MAP6D1: variants seen among roughly 807,000 people sequenced by gnomAD.
MAP6D1 encodes the protein MAP6 domain containing 1.
Under a neutral mutation model 17.4 loss-of-function variants are expected in MAP6D1, and 13 were observed. That is an observed-to-expected ratio of 0.75 (90% confidence interval 0.49 to 1.19). The LOEUF is 1.19. MAP6D1 is among the 50% of genes most tolerant of loss of function. The probability of loss-of-function intolerance (pLI) is 0.00; values close to 1 mark genes in which losing one functional copy is unlikely to be tolerated. For missense variants in MAP6D1, 313 were observed against 312.6 expected, an observed-to-expected ratio of 1.00 and a Z score of -0.01; for synonymous variants, 141 against 145.7, an observed-to-expected ratio of 0.97 and a Z score of 0.23.
chr3:183,822,895 C>G (rs955639348), intron 1 of MAP6D1, among the ~76,000 whole-genome samples: 3 of 152,230 alleles, frequency 2.0e-5, no homozygotes, highest in African/African-American at 2.4e-5. Flanking sequence ...GCTTCAGCTC[C>G]GGGAAGGAAG....
Position 183,825,153 on chromosome 3 carries a change from G to C in MAP6D1, c.395C>G (p.Ser132Trp). ...GTCCCTACCCAGCCCATACCTGTACGACGTGGTCACTGCTGCAGCCGCGTC... is the reference window on the plus strand; with the variant it reads ...GTCCCTACCCAGCCCATACCTGTACCACGTGGTCACTGCTGCAGCCGCGTC... ...DADAAAAVTT[S>W]YRQEFQAWTG... The change falls in exon 1 of 3, where the codon TCG becomes TGG. Residue 132 changes from serine to tryptophan, a missense_variant. By Grantham distance (177) the Ser-to-Trp change is radical. Transcript: ENST00000318631. The C allele has an allele frequency of 6.9e-7, 1 of 1,451,640 alleles. No individual in the cohort carries two copies. The highest frequency in any genetic ancestry group is 1.4e-5 in the South Asian group (1 of 71,180). The allele number at this position is 1,451,640 out of a possible 1,614,324, so 89.9% of individuals were successfully genotyped here.
intron 2 of MAP6D1, 134 bp from the exon 3 acceptor site, chr3:183,817,570 G>GGTC (rs1362938654): frequency 1.3e-6 from 1 of 771,402 alleles, no homozygotes; most frequent in African/African-American, 1.8e-5. Flanking sequence ...AAGGGTCAGA[G>GGTC]GGGACTTGCC....
intron 1 of MAP6D1, 22 bp from the exon 2 acceptor site, chr3:183,818,133 C>T: frequency 6.2e-7 from 1 of 1,601,432 alleles, no homozygotes; most frequent in Non-Finnish European, 8.6e-7. Flanking sequence ...AACACGGTCA[C>T]AAGCTTGCAC....
rs910492960 is a variant in MAP6D1, at chr3:183,816,499, G to A, written c.*857C>T. On this transcript the variant is annotated 3_prime_UTR_variant, in exon 3 of 3. Coordinates refer to ENST00000318631, the MANE Select transcript of MAP6D1 (RefSeq NM_024871.4). ...CTCTTCAAAAGGTGGTGAGTTCCCC[G>A]TCACTGTACATGTGAGCAGGGTAGA... 5.3e-5 allele frequency: 8 copies of A among 152,218 alleles called. No individual in the cohort carries two copies. Among genetic ancestry groups the A allele is most frequent in the South Asian group, 2.1e-4 (1 of 4,828 alleles). 9.4% of individuals were successfully genotyped at this position (152,218 alleles called of 1,614,324 possible).
intron 1 of MAP6D1, among the ~76,000 whole-genome samples, chr3:183,822,335 GGAGGCTGAGGT>G (rs1727280826): frequency 6.6e-6 from 1 of 150,822 alleles, no homozygotes. Flanking sequence ...CAGCTACTCG[GGAGGCTGAGGT>G]GAGAAAATCA....
At chr3:183,823,934 C>T (rs1253400646) in intron 1 of MAP6D1, among the ~76,000 whole-genome samples, 3 of 152,264 alleles carry the variant, frequency 2.0e-5, no homozygotes, top group Non-Finnish European at 4.4e-5. Context: ...TCTCCTCAGA[C>T]ATCCATCAGG....
Position 183,825,336 on chromosome 3 carries a change from C to G in MAP6D1, c.212G>C (p.Arg71Pro). The stretch of plus-strand genomic sequence containing the variant: ...GGGCGTGGTCCACAAGCCGAAGTCC[C>G]GCTGGTACTGAGTGAGCGGCACGTC... ...GRDVPLTQYQ[R>P]DFGLWTTPAG... Residue 71 changes from arginine to proline, a missense_variant, in exon 1 of 3, where the codon CGG (arginine) becomes CCG (proline). Physicochemically the swap from Arg to Pro is moderately radical, Grantham distance 103. Transcript: ENST00000318631. 7.0e-7 allele frequency: 1 copy of G among 1,424,102 alleles called. No homozygotes were observed. The highest frequency in any genetic ancestry group is 9.2e-7 in the Non-Finnish European group (1 of 1,089,232). The allele number at this position is 1,424,102 out of a possible 1,614,324, so 88.2% of individuals were successfully genotyped here.
rs751702934 is a variant in MAP6D1, at chr3:183,818,035, G to A, written c.478C>T (p.His160Tyr). 6.2e-7 allele frequency: 1 copy of A among 1,614,210 alleles called. No homozygotes were observed. The highest frequency in any genetic ancestry group is 8.5e-7 in the Non-Finnish European group (1 of 1,180,028). ...GGGCTGCTGTCCCATCCCGAAGTGT[G>A]GGTTGTGATGACTCGGGCTGGTTTT... ...KTKPARVITT[H>Y]TSGWDSSPGA... Residue 160 changes from histidine (H) to tyrosine (Y), a missense_variant, in exon 2 of 3, where the codon CAC (histidine) becomes TAC (tyrosine). Physicochemically the swap from His to Tyr is moderately conservative, Grantham distance 83. Coordinates refer to ENST00000318631, the MANE Select transcript of MAP6D1 (RefSeq NM_024871.4).
chr3:183,823,087 C>T (rs143507897), intron 1 of MAP6D1, among the ~76,000 whole-genome samples: 10 of 152,334 alleles, frequency 6.6e-5, no homozygotes, highest in African/African-American at 2.2e-4. Context: ...CTCGACCTCG[C>T]AGGCTTGAGG....
intron 1 of MAP6D1, 26 bp downstream of exon 1, chr3:183,825,121 C>A (rs1258805686): frequency 2.9e-6 from 4 of 1,368,274 alleles, no homozygotes; most frequent in South Asian, 1.8e-5. Flanking sequence ...GGTGGGGACT[C>A]GTTGCGGTCC....
intron 1 of MAP6D1, chr3:183,820,136 G>A (rs1170950349): frequency 6.6e-6 from 1 of 152,330 alleles, no homozygotes; most frequent in Non-Finnish European, 1.5e-5. Context: ...GTCCTGCAGG[G>A]GTGAAGAAGC....
chr3:183,821,842 T>G (rs1727266102), intron 1 of MAP6D1, among the ~76,000 whole-genome samples: 2 of 152,168 alleles, frequency 1.3e-5, no homozygotes, highest in African/African-American at 4.8e-5. Flanking sequence ...TTTTATATTT[T>G]TAGTAGAGAC....
chr3:183,820,799 C>T (rs1340392079), intron 1 of MAP6D1, among the ~76,000 whole-genome samples: 5 of 151,930 alleles, frequency 3.3e-5, no homozygotes, highest in Non-Finnish European at 7.4e-5. Context: ...CCCAGCTACT[C>T]GGGAGGCTGA....
intron 2 of MAP6D1, 94 bp downstream of exon 2, chr3:183,817,900 T>C: frequency 1.0e-6 from 1 of 987,518 alleles, no homozygotes. Flanking sequence ...CTGGTCATAA[T>C]TGCATTTTAC....
intron 1 of MAP6D1, among the ~76,000 whole-genome samples, chr3:183,820,768 A>G (rs149528426): frequency 0.035 from 5,357 of 151,844 alleles, 129 homozygotes; most frequent in Non-Finnish European, 0.051. Flanking sequence ...TTAGCCAGGC[A>G]TGGTGGCGGG....
chr3:183,819,118 C>T (rs540344051), intron 1 of MAP6D1, among the ~76,000 whole-genome samples: 12 of 152,212 alleles, frequency 7.9e-5, no homozygotes, highest in South Asian at 2.1e-4. Context: ...TGGACACTGC[C>T]GGGGTTGGGC....
At chr3:183,823,901 A>C (rs1727313604) in intron 1 of MAP6D1, among the ~76,000 whole-genome samples, 1 of 152,258 alleles carries the variant, frequency 6.6e-6, no homozygotes, top group East Asian at 1.9e-4. Context: ...GTCCCTATCA[A>C]GTTCCTCTCC....
At chr3:183,822,267 ACACAC>A (rs1727276029) in intron 1 of MAP6D1, among the ~76,000 whole-genome samples, 4 of 104,056 alleles carry the variant, frequency 3.8e-5, no homozygotes, top group African/African-American at 1.3e-4. Flanking sequence ...ACACACACAC[ACACAC>A]ACACACACAC....
intron 2 of MAP6D1, 131 bp downstream of exon 2, chr3:183,817,863 C>A: frequency 1.3e-6 from 1 of 770,694 alleles, no homozygotes; most frequent in South Asian, 1.7e-5. Flanking sequence ...GGTTTTTGTT[C>A]GGGACATCTG....
Sources: allele counts gnomAD v4.1 joint callset (sites outside exome capture counted in the v4.1 genomes callset), GRCh38; gene constraint gnomAD v4.1.1; transcripts MANE v1.5; gene names NCBI Gene and HGNC (gene_info 2026-07-23, HGNC 2026-07-21).